RRAS2: variants seen among roughly 807,000 people sequenced by gnomAD.
RRAS2 encodes the protein ras-related protein R-Ras2.
A neutral mutation model predicts 27.6 loss-of-function variants in RRAS2; 7 were observed. The observed-to-expected ratio is 0.25, with a 90% CI of 0.14 to 0.48. The LOEUF is 0.48. Ranked by LOEUF, RRAS2 falls within the 20% of genes least tolerant of loss-of-function variation. The pLI is 0.99. For missense variants in RRAS2, 178 were observed against 256.2 expected, an observed-to-expected ratio of 0.69 and a Z score of 2.08; for synonymous variants, 86 against 90.9, an observed-to-expected ratio of 0.95 and a Z score of 0.31.
At chr11:14,297,252 A>T (rs924067611) in intron 1 of RRAS2, among the ~76,000 whole-genome samples, 1 of 152,164 alleles carries the variant, frequency 6.6e-6, no homozygotes, top group Non-Finnish European at 1.5e-5. Context: ...TAATGCTAGG[A>T]ACCAGCATCA....
intron 4 of RRAS2, among the ~76,000 whole-genome samples, chr11:14,282,509 A>C (rs1051014104): frequency 1.4e-4 from 21 of 152,228 alleles, no homozygotes; most frequent in Admixed American, 2.6e-4. Context: ...TAAGGATTTG[A>C]ATAGTGATGT....
chr11:14,346,094 A>G lies in RRAS2; in HGVS notation c.108+12669T>C, dbSNP rs555573442. Reference sequence around the variant, plus strand: ...ACCGTTGTTTAATATCAGACCGAGAAATCAAGGGCACTAAATATGTTTTGG... The same window carrying G: ...ACCGTTGTTTAATATCAGACCGAGAGATCAAGGGCACTAAATATGTTTTGG... On this transcript the variant is annotated intron_variant, in intron 1 of 5. Transcript: ENST00000256196. Among the ~76,000 whole-genome samples the G allele has an allele frequency of 2.6e-5, 4 of 152,346 alleles. No individual in the cohort carries two copies. In the South Asian group the frequency reaches 6.2e-4, roughly 24 times the overall value.
chr11:14,341,076 G>C (rs1554953192), intron 1 of RRAS2, among the ~76,000 whole-genome samples: 1 of 152,030 alleles, frequency 6.6e-6, no homozygotes, highest in Non-Finnish European at 1.5e-5. Flanking sequence ...CATACGCAAA[G>C]CCACCAAAAG....
At chr11:14,307,290 A>G (rs1034751864) in intron 1 of RRAS2, among the ~76,000 whole-genome samples, 4 of 152,146 alleles carry the variant, frequency 2.6e-5, no homozygotes, top group African/African-American at 9.7e-5. Context: ...CAATACACTC[A>G]TGACATGCCT....
At chr11:14,321,452 TTGGGGGC>T (rs2133996988) in intron 1 of RRAS2, among the ~76,000 whole-genome samples, 1 of 152,180 alleles carries the variant, frequency 6.6e-6, no homozygotes, top group Admixed American at 6.5e-5. Flanking sequence ...GGGTTGGGGG[TTGGGGGC>T]TACATTTGTT....
chr11:14,336,201 G>A (rs781876150), intron 1 of RRAS2, among the ~76,000 whole-genome samples: 3 of 152,120 alleles, frequency 2.0e-5, no homozygotes, highest in South Asian at 4.1e-4. Context: ...GCTGAGTAGG[G>A]AATCTAGACA....
At chr11:14,293,160 T>A (rs1301538595) in intron 4 of RRAS2, among the ~76,000 whole-genome samples, 1 of 134,266 alleles carries the variant, frequency 7.4e-6, no homozygotes, top group Non-Finnish European at 1.6e-5. Context: ...TATATATATA[T>A]ATCATTTTCT....
At chr11:14,349,094 T>C (rs1035885202) in intron 1 of RRAS2, among the ~76,000 whole-genome samples, 3 of 152,028 alleles carry the variant, frequency 2.0e-5, no homozygotes, top group African/African-American at 7.2e-5. Context: ...GCCTCCCAAG[T>C]AGCTGGGACT....
chr11:14,328,775 C>G (rs1320745648), intron 1 of RRAS2, among the ~76,000 whole-genome samples: 1 of 151,968 alleles, frequency 6.6e-6, no homozygotes, highest in Non-Finnish European at 1.5e-5. Flanking sequence ...AGCAATCCTC[C>G]TGGCTCAGCC....
At chr11:14,364,340 C>A (rs922588326) in intron 1 of RRAS2, 2 of 1,527,144 alleles carry the variant, frequency 1.3e-6, no homozygotes, top group Admixed American at 3.9e-5. Flanking sequence ...AGAGCCAAGA[C>A]CTGTTGGCCA....
intron 1 of RRAS2, among the ~76,000 whole-genome samples, chr11:14,325,672 C>T (rs527765291): frequency 1.3e-5 from 2 of 152,194 alleles, no homozygotes; most frequent in South Asian, 4.1e-4. Context: ...TGTTAAGAAT[C>T]TGAATTTTCA....
intron 1 of RRAS2, chr11:14,356,623 C>A (rs927090765): frequency 3.6e-6 from 1 of 278,294 alleles, no homozygotes. Context: ...GACACACATG[C>A]TCAAGTCTGT....
chr11:14,331,174 A>T (rs1848473144), intron 1 of RRAS2, among the ~76,000 whole-genome samples: 3 of 152,218 alleles, frequency 2.0e-5, no homozygotes, highest in Non-Finnish European at 2.9e-5. Flanking sequence ...AGTCAAATAT[A>T]TTCTTGGTCA....
chr11:14,340,718 A>G (rs1174390981), intron 1 of RRAS2, among the ~76,000 whole-genome samples: 4 of 152,212 alleles, frequency 2.6e-5, no homozygotes, highest in Non-Finnish European at 5.9e-5. Context: ...TTACACCATG[A>G]GTTAATTCCT....
intron 1 of RRAS2, among the ~76,000 whole-genome samples, chr11:14,353,102 AT>A (rs570002021): frequency 6.6e-5 from 10 of 152,106 alleles, no homozygotes; most frequent in South Asian, 4.2e-4. Context: ...CCCAGCTAAA[AT>A]TTTTTTTAAT....
intron 4 of RRAS2, among the ~76,000 whole-genome samples, chr11:14,284,795 T>C (rs1348320043): frequency 3.3e-5 from 5 of 152,202 alleles, no homozygotes; most frequent in Non-Finnish European, 5.9e-5. Context: ...CTGATATTCA[T>C]ATAGCTACTT....
intron 1 of RRAS2, among the ~76,000 whole-genome samples, chr11:14,331,654 T>C (rs1554951906): frequency 2.8e-5 from 3 of 106,760 alleles, no homozygotes; most frequent in East Asian, 5.2e-4. Context: ...GTAGGCAACA[T>C]AGGGAGATCC....
At chr11:14,329,068 T>TACACACACAC (rs200695347) in intron 1 of RRAS2, among the ~76,000 whole-genome samples, 8 of 141,686 alleles carry the variant, frequency 5.6e-5, no homozygotes, top group South Asian at 2.2e-4. Context: ...CACATATACA[T>TACACACACAC]ACACACACAC....
chr11:14,340,272 A>AT (rs1335843337), intron 1 of RRAS2, among the ~76,000 whole-genome samples: 2 of 151,624 alleles, frequency 1.3e-5, no homozygotes, highest in South Asian at 2.1e-4. Flanking sequence ...AATTTTTTGT[A>AT]TTTTTTTAAG....
Sources: allele counts gnomAD v4.1 joint callset (sites outside exome capture counted in the v4.1 genomes callset), GRCh38; gene constraint gnomAD v4.1.1; transcripts MANE v1.5; gene names NCBI Gene and HGNC (gene_info 2026-07-23, HGNC 2026-07-21).